Variants in CFAP20DC observed in about 807,000 individuals in gnomAD.
CFAP20DC encodes CFAP20 domain containing, also known as protein CFAP20DC.
CFAP20DC carries 84 observed loss-of-function variants against 101.7 expected under a neutral mutation model. That is an observed-to-expected ratio of 0.83 (90% CI 0.69 to 0.99). CFAP20DC has a LOEUF of 0.99. Among genes scored for constraint, CFAP20DC ranks in the 50% least tolerant of loss-of-function variants. The pLI is 0.00. For synonymous variants in CFAP20DC, 359 were observed against 351.2 expected, an observed-to-expected ratio of 1.02 and a Z score of -0.25; for missense variants, 1,007 against 970.3, an observed-to-expected ratio of 1.04 and a Z score of -0.50.
chr3:58,990,977 G>A (rs1253514357), intron 4 of CFAP20DC, among the ~76,000 whole-genome samples: 2 of 152,064 alleles, frequency 1.3e-5, no homozygotes, highest in African/African-American at 4.8e-5. Flanking sequence ...TGAAGACAGA[G>A]ATTTTATCTG....
chr3:58,749,589 A>T (rs2068431671), intron 16 of CFAP20DC, among the ~76,000 whole-genome samples: 1 of 152,190 alleles, frequency 6.6e-6, no homozygotes. Flanking sequence ...GCTTTGCCAT[A>T]AAAAAGGTAT....
intron 14 of CFAP20DC, among the ~76,000 whole-genome samples, chr3:58,809,771 T>A (rs941408073): frequency 8.5e-5 from 13 of 152,212 alleles, no homozygotes; most frequent in Non-Finnish European, 1.5e-4. Flanking sequence ...GGAGCTGGTT[T>A]TTTGAAAGGA....
At chr3:58,771,941 C>A (rs2070887538) in intron 15 of CFAP20DC, among the ~76,000 whole-genome samples, 1 of 152,142 alleles carries the variant, frequency 6.6e-6, no homozygotes, top group African/African-American at 2.4e-5. Context: ...GACTTCCATG[C>A]ACATGTAAAA....
chr3:58,906,496 C>T (rs192692740), intron 6 of CFAP20DC, among the ~76,000 whole-genome samples: 1 of 152,186 alleles, frequency 6.6e-6, no homozygotes, highest in African/African-American at 2.4e-5. Flanking sequence ...CCATACTGAA[C>T]TTGTTCCTTG....
rs866230996 is a variant in CFAP20DC, at chr3:58,806,277, A to G, written c.2237+118T>C. The G allele has an allele frequency of 2.0e-5, 14 of 701,338 alleles. No homozygotes were observed. The Middle Eastern group carries it at 3.0e-3, about 149-fold the overall frequency. The allele number at this position is 701,338 out of a possible 1,614,324, so 43.4% of individuals were successfully genotyped here. ...CAAGTAGATGAACTAGGACTTTGAA[A>G]GAACATAAGTTTGGAAGCTAGAAGT... is the stretch of plus-strand genomic sequence containing the variant. On this transcript the variant is annotated intron_variant, in intron 15 of 16. Coordinates refer to ENST00000482387, the MANE Select transcript of CFAP20DC (RefSeq NM_001394063.1).
intron 3 of CFAP20DC, among the ~76,000 whole-genome samples, chr3:59,039,836 T>C (rs1195829485): frequency 6.6e-6 from 1 of 152,014 alleles, no homozygotes; most frequent in Non-Finnish European, 1.5e-5. Flanking sequence ...ACAAATGTCT[T>C]TTAAAGTTCC....
chr3:58,971,700 T>C lies in CFAP20DC; in HGVS notation c.279-33938A>G, dbSNP rs890571939. 1.1e-4 allele frequency among the ~76,000 whole-genome samples: 17 copies of C among 152,018 alleles called. No individual in the cohort carries two copies. Among genetic ancestry groups the C allele is most frequent in the African/African-American group, 3.9e-4 (16 of 41,406 alleles). On this transcript the variant is annotated intron_variant, in intron 4 of 16. Coordinates refer to ENST00000482387, the MANE Select transcript of CFAP20DC (RefSeq NM_001394063.1). The surrounding 1 kb of genome is among the most constrained non-coding windows in gnomAD (Gnocchi z 4.1). ...TGTTCTAGCCATGCAATGGTATATA[T>C]AGCGCTATTAAAAAGAGTGAGACAG...
At chr3:58,906,858 G>A (rs1394578431) in intron 6 of CFAP20DC, among the ~76,000 whole-genome samples, 2 of 152,134 alleles carry the variant, frequency 1.3e-5, no homozygotes, top group Non-Finnish European at 2.9e-5. Context: ...AGCCCATGGA[G>A]GCTGAGGCTG....
At chr3:58,954,340 G>C (rs914846522) in intron 4 of CFAP20DC, among the ~76,000 whole-genome samples, 1 of 152,188 alleles carries the variant, frequency 6.6e-6, no homozygotes, top group Admixed American at 6.5e-5. Context: ...TCAGGTTAGA[G>C]TGAACTTGTA....
intron 13 of CFAP20DC, among the ~76,000 whole-genome samples, chr3:58,844,922 T>A (rs1453844664): frequency 7.2e-6 from 1 of 138,530 alleles, no homozygotes; most frequent in Non-Finnish European, 1.5e-5. Context: ...ACTGGGTACA[T>A]AACGAAATGA....
rs188960599 is a variant in CFAP20DC, at chr3:58,988,943, C to A, written c.278+50614G>T. Among the ~76,000 whole-genome samples the A allele has an allele frequency of 2.3e-3, 343 of 152,122 alleles. 3 individuals are homozygous for A. Among genetic ancestry groups the A allele is most frequent in the African/African-American group, 8.1e-3 (336 of 41,518 alleles). On this transcript the variant is annotated intron_variant, in intron 4 of 16. Coordinates refer to ENST00000482387, the MANE Select transcript of CFAP20DC (RefSeq NM_001394063.1). ...GATGTCTTTTGCCAGGAGTTCATTT[C>A]TAAAATATTTACATTCTGTGTTTTT...
At chr3:58,932,974 C>A (rs1169639344) in intron 5 of CFAP20DC, among the ~76,000 whole-genome samples, 1 of 152,164 alleles carries the variant, frequency 6.6e-6, no homozygotes, top group African/African-American at 2.4e-5. Flanking sequence ...AAAACACAGA[C>A]TGGCAAATTG....
At chr3:58,875,425 A>G (rs1253411856) in intron 7 of CFAP20DC, among the ~76,000 whole-genome samples, 1 of 152,096 alleles carries the variant, frequency 6.6e-6, no homozygotes, top group African/African-American at 2.4e-5. Flanking sequence ...TCAAATGTTG[A>G]TTTTTTCAGA....
intron 15 of CFAP20DC, among the ~76,000 whole-genome samples, chr3:58,803,303 T>C (rs2073839411): frequency 6.6e-6 from 1 of 152,366 alleles, no homozygotes; most frequent in South Asian, 2.1e-4. Flanking sequence ...CTGCTTTTTA[T>C]GTATTGTTCA....
At chr3:58,954,287 T>C (rs1190758421) in intron 4 of CFAP20DC, among the ~76,000 whole-genome samples, 1 of 152,196 alleles carries the variant, frequency 6.6e-6, no homozygotes, top group Non-Finnish European at 1.5e-5. Flanking sequence ...TTCACCTTTC[T>C]TCTGTATGTA....
intron 13 of CFAP20DC, among the ~76,000 whole-genome samples, chr3:58,840,902 T>C (rs2077056200): frequency 1.3e-5 from 2 of 152,244 alleles, no homozygotes; most frequent in South Asian, 2.1e-4. Flanking sequence ...GTTGCATAGA[T>C]AAGAAAGAAC....
chr3:58,879,021 A>C (rs372037000), intron 7 of CFAP20DC, among the ~76,000 whole-genome samples: 169 of 152,074 alleles, frequency 1.1e-3, no homozygotes, highest in African/African-American at 3.6e-3. Flanking sequence ...AAAAAAAAAA[A>C]AACAAAAGAA....
chr3:58,863,178 A>G lies in CFAP20DC; in HGVS notation c.1593+380T>C, dbSNP rs1559726612. 8.9e-7 allele frequency: 1 copy of G among 1,124,518 alleles called. No homozygotes were observed. The highest frequency in any genetic ancestry group is 1.1e-6 in the Non-Finnish European group (1 of 921,486). 69.7% of individuals were successfully genotyped at this position (1,124,518 alleles called of 1,614,324 possible). A position where few individuals can be genotyped will look rare whatever the true frequency, so the allele number is the denominator to read the frequency against. On this transcript the variant is annotated intron_variant, in intron 12 of 16. Coordinates refer to ENST00000482387, the MANE Select transcript of CFAP20DC (RefSeq NM_001394063.1). This position sits in a 1 kb window ranked among gnomAD's most constrained non-coding sequence, Gnocchi z 5.9. ...GAAGCCAGAAAACCATCAATTTAGA[A>G]TGCTTAGCAACTGCAACACAATTTC...
Position 58,863,908 on chromosome 3 carries a change from G to A in CFAP20DC, c.1259-16C>T. The A allele has an allele frequency of 6.3e-7, 1 of 1,587,524 alleles. No individual in the cohort carries two copies. Among genetic ancestry groups the A allele is most frequent in the Non-Finnish European group, 8.6e-7 (1 of 1,168,632 alleles). On this transcript the variant is annotated splice_polypyrimidine_tract_variant and intron_variant, in intron 11 of 16. Coordinates refer to ENST00000482387, the MANE Select transcript of CFAP20DC (RefSeq NM_001394063.1). This position sits in a 1 kb window ranked among gnomAD's most constrained non-coding sequence, Gnocchi z 5.9. ...ATCCACTCATCTGACAGTTGGAAAA[G>A]ATGACAAAAATTAGAGCAGTAATCC...
Sources: gnomAD v4.1 joint callset for allele counts (sites outside exome capture counted in the v4.1 genomes callset) on GRCh38, gnomAD v4.1.1 for gene constraint, Gnocchi (gnomAD v3.1) non-coding constraint, MANE v1.5 for transcripts, NCBI Gene and HGNC (gene_info 2026-07-23, HGNC 2026-07-21) for gene names.